The following SCNN1A variants were observed in gnomAD, a reference collection of about 807,000 sequenced individuals.
SCNN1A encodes sodium channel epithelial 1 subunit alpha, also known as epithelial sodium channel subunit alpha.
SCNN1A carries 65 observed loss-of-function variants against 68.6 expected under a neutral mutation model. The observed-to-expected ratio is 0.95, with a 90% CI of 0.78 to 1.16. The LOEUF is 1.16. Among genes scored for constraint, SCNN1A ranks in the 50% most tolerant of loss-of-function variants. SCNN1A has a pLI of 0.00. For missense variants in SCNN1A, 880 were observed against 865.9 expected, an observed-to-expected ratio of 1.02 and a Z score of -0.20; for synonymous variants, 357 against 353.3, an observed-to-expected ratio of 1.01 and a Z score of -0.12.
At chr12:6,358,886 G>GTATCTACA (rs984372431) in intron 4 of SCNN1A, among the ~76,000 whole-genome samples, 5 of 147,752 alleles carry the variant, frequency 3.4e-5, no homozygotes, top group African/African-American at 1.3e-4. Flanking sequence ...AAAAGGTGGT[G>GTATCTACA]TATCTACACA....
Position 6,354,477 on chromosome 12 carries a change from T to C in SCNN1A, c.1321A>G (p.Asn441Asp), listed in dbSNP as rs1361834078. Reference protein sequence around the residue: ...CAYIFYPRPQNVEYCDYRKHS... With the variant: ...CAYIFYPRPQDVEYCDYRKHS... ...TTTCTGTAGTCACAGTACTCCACGT[T>C]CTGGGGCCGCGGATAGAAGATGTAG... Residue 441 changes from asparagine to aspartate, a missense_variant, in exon 8 of 13, where the codon AAC becomes GAC. Physicochemically the swap from Asn to Asp is conservative, Grantham distance 23 (BLOSUM62 1). Coordinates refer to ENST00000228916, the MANE Select transcript of SCNN1A (RefSeq NM_001038.6). 6.2e-7 allele frequency: 1 copy of C among 1,613,476 alleles called. No homozygotes were observed. The highest frequency in any genetic ancestry group is 8.5e-7 in the Non-Finnish European group (1 of 1,179,968).
intron 4 of SCNN1A, among the ~76,000 whole-genome samples, chr12:6,358,318 A>ATG (rs1948530338): frequency 6.6e-6 from 1 of 152,198 alleles, no homozygotes; most frequent in African/African-American, 2.4e-5. Context: ...TAGAACCTTC[A>ATG]TACATTGCTG....
intron 2 of SCNN1A, among the ~76,000 whole-genome samples, chr12:6,373,108 G>T (rs138269547): frequency 7.8e-4 from 118 of 152,094 alleles, no homozygotes; most frequent in African/African-American, 2.6e-3. Flanking sequence ...TTATACAGAC[G>T]TTAATCAACG....
intron 8 of SCNN1A, chr12:6,353,990 G>T: frequency 5.5e-6 from 1 of 181,996 alleles, no homozygotes; most frequent in East Asian, 1.4e-4. Context: ...GAAGAGAGAG[G>T]GAGGCCGAGG....
rs943417852 is a variant in SCNN1A at position 6,375,502 on chromosome 12, C to T, written c.-55+3G>A. On this transcript the variant is annotated splice_donor_region_variant and intron_variant, in intron 1 of 12. Transcript: ENST00000228916. Reference sequence around the variant, plus strand: ...TGGCAGCCAAACCTCTCCTCCCCCTCACCTGACAGGTGCAGCGGCCTGGCT... The same window carrying T: ...TGGCAGCCAAACCTCTCCTCCCCCTTACCTGACAGGTGCAGCGGCCTGGCT... 6.5e-7 allele frequency: 1 copy of T among 1,535,510 alleles called. No homozygotes were observed. Among genetic ancestry groups the T allele is most frequent in the Non-Finnish European group, 8.7e-7 (1 of 1,146,872 alleles).
chr12:6,352,203 T>TG, intron 8 of SCNN1A, among the ~76,000 whole-genome samples: 1 of 152,086 alleles, frequency 6.6e-6, no homozygotes. Flanking sequence ...GTGAAATGTA[T>TG]GGGATATAAA....
chr12:6,357,531 G>A (rs1948517234), intron 4 of SCNN1A, among the ~76,000 whole-genome samples: 1 of 149,808 alleles, frequency 6.7e-6, no homozygotes. Flanking sequence ...TTGCACCACT[G>A]CACACTACAG....
chr12:6,363,548 G>T lies in SCNN1A; in HGVS notation c.579C>A (p.Val193=), dbSNP rs554754589. 39 of 1,610,248 alleles carry T rather than the reference G, an allele frequency of 2.4e-5. No homozygotes were observed. In the African/African-American group the frequency reaches 4.5e-4, roughly 19 times the overall value. The change falls in exon 3 of 13, where the codon GTC becomes GTA. Residue 193 remains valine, a synonymous_variant. Coordinates refer to ENST00000228916, the MANE Select transcript of SCNN1A (RefSeq NM_001038.6). Reference sequence around the variant, plus strand: ...GACGGGCCCCGTGAGGCGGGGGCGGGACCCTCAGGCGCTGCAAGGGGTGCG... The same window carrying T: ...GACGGGCCCCGTGAGGCGGGGGCGGTACCCTCAGGCGCTGCAAGGGGTGCG... ...TLPHPLQRLR[V]PPPPHGARRA... is the part of the protein sequence containing the mutation.
In SCNN1A at chr12:6,362,044, G is replaced by C; in HGVS notation, c.875+7C>G. ...GGAGAGCAAGGAGCCAGGCAGGACT[G>C]ACTCACGCCTGGTTGCAGGAGACCT... On this transcript the variant is annotated splice_region_variant and intron_variant, in intron 4 of 12. Coordinates refer to ENST00000228916, the MANE Select transcript of SCNN1A (RefSeq NM_001038.6). The C allele has an allele frequency of 6.2e-7, 1 of 1,613,958 alleles. No individual in the cohort carries two copies. The highest frequency in any genetic ancestry group is 1.7e-5 in the Admixed American group (1 of 60,038).
chr12:6,363,496 G>T lies in SCNN1A; in HGVS notation c.631C>A (p.Arg211=). ...RRARSVASSL[R]DNNPQVDWKD... is the part of the protein sequence containing the mutation. ...CAGTCCACCTGGGGGTTGTTGTCCC[G>T]CAAGCTGGAGGCCACGCTACGGGCT... The change falls in exon 3 of 13, where the codon CGG becomes AGG. Residue 211 remains arginine (R), a synonymous_variant. Transcript: ENST00000228916. 1 of 1,607,670 alleles carries T rather than the reference G, an allele frequency of 6.2e-7. No homozygotes were observed. The highest frequency in any genetic ancestry group is 8.5e-7 in the Non-Finnish European group (1 of 1,177,116).
rs1449591910 is a variant in SCNN1A, at chr12:6,354,763, T to G, written c.1229A>C (p.Lys410Thr). ...GTTGGGCCTCACCTGCTGTGTGTACTTTGAAGGGTAAAGGTTCTCAACAGG... is the reference window on the plus strand; with the variant it reads ...GTTGGGCCTCACCTGCTGTGTGTACGTTGAAGGGTAAAGGTTCTCAACAGG... ...DVPVENLYPS[K>T]YTQQVCIHSC... The change falls in exon 7 of 13, where the codon AAG becomes ACG. Residue 410 changes from lysine (K) to threonine (T), a missense_variant. Physicochemically the swap from Lys to Thr is moderately conservative, Grantham distance 78 (BLOSUM62 -1). Coordinates refer to ENST00000228916, the MANE Select transcript of SCNN1A (RefSeq NM_001038.6). 1 of 1,613,784 alleles carries G rather than the reference T, an allele frequency of 6.2e-7. No homozygotes were observed. Among genetic ancestry groups the G allele is most frequent in the Non-Finnish European group, 8.5e-7 (1 of 1,179,814 alleles).
At chr12:6,358,783 C>T (rs1020825614) in intron 4 of SCNN1A, among the ~76,000 whole-genome samples, 2 of 150,694 alleles carry the variant, frequency 1.3e-5, no homozygotes, top group South Asian at 4.2e-4. Flanking sequence ...TCGTTTCAGC[C>T]CAGGAAATCA....
rs202038572 is a variant in SCNN1A at position 6,348,093 on chromosome 12, C to A, written c.1790G>T (p.Arg597Leu). Residue 597 changes from arginine (R) to leucine (L), a missense_variant, in exon 13 of 13, where the codon CGA becomes CTA. Coordinates refer to ENST00000228916, the MANE Select transcript of SCNN1A (RefSeq NM_001038.6). ...RFRSRYWSPG[R>L]GGRGAQEVAS... ...TACCTCCTGAGCACCCCTGCCCCCT[C>A]GGCCTGGAGACCAGTATCGGCTTCG... The A allele has an allele frequency of 1.2e-5, 19 of 1,614,140 alleles. No homozygotes were observed. Among genetic ancestry groups the A allele is most frequent in the Non-Finnish European group, 1.6e-5 (19 of 1,180,026 alleles).
In SCNN1A at chr12:6,372,142, C is replaced by A. The variant is rs917666510; in HGVS notation, c.416+2226G>T. 6.6e-6 allele frequency among the ~76,000 whole-genome samples: 1 copy of A among 152,152 alleles called. No individual in the cohort carries two copies. Among genetic ancestry groups the A allele is most frequent in the African/African-American group, 2.4e-5 (1 of 41,426 alleles). On this transcript the variant is annotated intron_variant, in intron 2 of 12. Coordinates refer to ENST00000228916, the MANE Select transcript of SCNN1A (RefSeq NM_001038.6). This position sits in a 1 kb window ranked among gnomAD's most constrained non-coding sequence, Gnocchi z 5.8. ...TACAGGCGTGAGGCACCATGCCCAG[C>A]GGTTATTTTTTAATTTAATAAATAA...
At chr12:6,377,323 C>G, upstream of SCNN1A, 1 of 1,438,588 alleles carries the variant, frequency 7.0e-7, no homozygotes, top group South Asian at 1.2e-5. Context: ...AATGAAGAAA[C>G]TGACCCTTCC....
At chr12:6,369,317 G>A (rs747751227) in intron 2 of SCNN1A, among the ~76,000 whole-genome samples, 72 of 113,312 alleles carry the variant, frequency 6.4e-4, no homozygotes, top group Middle Eastern at 4.3e-3. Flanking sequence ...GCCACCCTAC[G>A]CACCTCCCTC....
At chr12:6,363,384 T>TGGGCGGGGCCAGGGGCCGGCGAGGGGCG in intron 3 of SCNN1A, 59 bp downstream of exon 3, 1 of 1,410,132 alleles carries the variant, frequency 7.1e-7, no homozygotes, top group Non-Finnish European at 9.4e-7. Flanking sequence ...AGCCCATGGG[T>TGGGCGGGGCCAGGGGCCGGCGAGGGGCG]GGGCGGGGCC....
intron 2 of SCNN1A, chr12:6,364,133 C>T (rs990383393): frequency 1.3e-5 from 2 of 159,778 alleles, no homozygotes; most frequent in Non-Finnish European, 2.7e-5. Context: ...GGTGGCCTTT[C>T]GGCTTGAGTG....
At chr12:6,367,074 C>CA (rs796086528) in intron 2 of SCNN1A, among the ~76,000 whole-genome samples, 1 of 151,984 alleles carries the variant, frequency 6.6e-6, no homozygotes, top group African/African-American at 2.4e-5. Context: ...CTTGTATCTA[C>CA]AAAAAATACA....
Sources: allele counts gnomAD v4.1 joint callset (sites outside exome capture counted in the v4.1 genomes callset), GRCh38; gene constraint gnomAD v4.1.1; non-coding constraint Gnocchi (gnomAD v3.1); transcripts MANE v1.5; gene names NCBI Gene and HGNC (gene_info 2026-07-23, HGNC 2026-07-21).